The following SLC25A33 variants were observed in gnomAD, a reference collection of about 807,000 sequenced individuals.
SLC25A33 encodes bone marrow stromal cell mitochondrial carrier protein.
In SLC25A33, 15 loss-of-function variants were observed where a neutral mutation model predicts 35.5. The ratio of observed to expected loss-of-function variants is 0.42; its 90% CI spans 0.28 to 0.65. The LOEUF is 0.65. SLC25A33 is among the 30% of genes least tolerant of loss of function. The pLI, the probability that SLC25A33 is intolerant of heterozygous loss-of-function variation, is 0.20. For missense variants in SLC25A33, 257 were observed against 398.5 expected, an observed-to-expected ratio of 0.64 and a Z score of 3.02; for synonymous variants, 136 against 148.7, an observed-to-expected ratio of 0.91 and a Z score of 0.62.
At chr1:9,561,956 A>C (rs879323534) in intron 2 of SLC25A33, among the ~76,000 whole-genome samples, 6 of 152,072 alleles carry the variant, frequency 3.9e-5, no homozygotes, top group Non-Finnish European at 7.4e-5. Context: ...GAACCCTTAA[A>C]AGAGCAATAC....
chr1:9,565,084 C>T (rs112285396), intron 2 of SLC25A33, among the ~76,000 whole-genome samples: 204 of 152,138 alleles, frequency 1.3e-3, no homozygotes, highest in African/African-American at 4.7e-3. Context: ...TGGTGACTGC[C>T]AGGGCCTGAC....
At chr1:9,570,122 A>G (rs960923852) in intron 3 of SLC25A33, 136 bp from the exon 4 acceptor site, 17 of 653,160 alleles carry the variant, frequency 2.6e-5, no homozygotes, top group Non-Finnish European at 4.0e-5. Context: ...TGGTTTTAGC[A>G]CAGGCGAGGA....
rs1343297098 is a variant in SLC25A33 at position 9,583,512 on chromosome 1, T to C, written c.*1011T>C. The C allele has an allele frequency of 6.6e-6, 1 of 152,144 alleles. No individual in the cohort carries two copies. Among genetic ancestry groups the C allele is most frequent in the Non-Finnish European group, 1.5e-5 (1 of 68,026 alleles). 9.4% of individuals were successfully genotyped at this position (152,144 alleles called of 1,614,324 possible). The stretch of plus-strand genomic sequence containing the variant: ...CCGGAAGTTAAGACCAGTTGCCTTG[T>C]TAAGTGTGTTGACAGCACAGCTACC... On this transcript the variant is annotated 3_prime_UTR_variant, in exon 7 of 7. Transcript: ENST00000302692.
chr1:9,539,833 C>T (rs909963619), intron 1 of SLC25A33, 86 bp downstream of exon 1: 4 of 1,181,530 alleles, frequency 3.4e-6, no homozygotes, highest in East Asian at 3.5e-5. Flanking sequence ...CCTCCCGCGG[C>T]GGTTACCGGC....
intron 2 of SLC25A33, among the ~76,000 whole-genome samples, chr1:9,564,765 T>TATATATATATATATATATAC (rs59741987): frequency 1.9e-3 from 216 of 114,572 alleles, no homozygotes; most frequent in Middle Eastern, 4.8e-3. Context: ...TATATATATA[T>TATATATATATATATATATAC]ACACAAAAAT....
chr1:9,560,381 G>A (rs890586172), intron 2 of SLC25A33, among the ~76,000 whole-genome samples: 4 of 152,034 alleles, frequency 2.6e-5, no homozygotes, highest in South Asian at 2.1e-4. Flanking sequence ...TGGCTAACAC[G>A]GTGAAACCCT....
chr1:9,541,778 C>T (rs1341122975), intron 1 of SLC25A33, among the ~76,000 whole-genome samples: 2 of 146,860 alleles, frequency 1.4e-5, no homozygotes, highest in Non-Finnish European at 3.0e-5. Flanking sequence ...TTTTGACTTA[C>T]TGTTTTTAGT....
In SLC25A33 at chr1:9,583,354, A is replaced by G. The variant is rs1431719277; in HGVS notation, c.*853A>G. Reference sequence around the variant, plus strand: ...GCGTTCAGACTGCTGAGATGAATATATATAACTTTCTGAGACTCAATATTT... The same window carrying G: ...GCGTTCAGACTGCTGAGATGAATATGTATAACTTTCTGAGACTCAATATTT... On this transcript the variant is annotated 3_prime_UTR_variant, in exon 7 of 7. Transcript: ENST00000302692. 6.6e-6 allele frequency: 1 copy of G among 152,226 alleles called. No homozygotes were observed. Among genetic ancestry groups the G allele is most frequent in the Non-Finnish European group, 1.5e-5 (1 of 68,048 alleles). The allele number at this position is 152,226 out of a possible 1,614,324, so 9.4% of individuals were successfully genotyped here. A position where few individuals can be genotyped will look rare whatever the true frequency, so the allele number is the denominator to read the frequency against.
At chr1:9,569,437 G>C (rs1643558277) in intron 3 of SLC25A33, among the ~76,000 whole-genome samples, 1 of 152,166 alleles carries the variant, frequency 6.6e-6, no homozygotes, top group Admixed American at 6.6e-5. Context: ...AGTAAATAAA[G>C]TGAGAAGAGC....
rs1420191525 is a variant in SLC25A33, at chr1:9,578,718, G to A, written c.483-1236G>A. 2.0e-5 allele frequency among the ~76,000 whole-genome samples: 3 copies of A among 151,720 alleles called. No individual in the cohort carries two copies. The highest frequency in any genetic ancestry group is 4.8e-5 in the African/African-American group (2 of 41,282). The stretch of plus-strand genomic sequence containing the variant: ...ACTCCTGGCCTCAAGCAGTCCTCCC[G>A]CCTTGGCCTCCCAAAGTGCTGGGAT... On this transcript the variant is annotated intron_variant, in intron 5 of 6. Coordinates refer to ENST00000302692, the MANE Select transcript of SLC25A33 (RefSeq NM_032315.3). This position sits in a 1 kb window ranked among gnomAD's most constrained non-coding sequence, Gnocchi z 4.3.
At chr1:9,554,359 GTT>G (rs1288314312) in intron 2 of SLC25A33, among the ~76,000 whole-genome samples, 4 of 151,206 alleles carry the variant, frequency 2.6e-5, no homozygotes, top group Non-Finnish European at 5.9e-5. Context: ...CAAAATGTTT[GTT>G]TGTTTGTTTG....
At chr1:9,540,218 AG>A (rs1643058581) in intron 1 of SLC25A33, among the ~76,000 whole-genome samples, 1 of 152,102 alleles carries the variant, frequency 6.6e-6, no homozygotes, top group Non-Finnish European at 1.5e-5. Flanking sequence ...ACGGGCAAAA[AG>A]GTCTGCGGAC....
chr1:9,570,502 A>G (rs1445336088), intron 4 of SLC25A33, 144 bp downstream of exon 4: 2 of 667,582 alleles, frequency 3.0e-6, no homozygotes, highest in Non-Finnish European at 5.1e-6. Context: ...TGTTACAACC[A>G]ATAGGAGAGT....
At chr1:9,580,904 C>T (rs1318027681) in intron 6 of SLC25A33, among the ~76,000 whole-genome samples, 1 of 149,876 alleles carries the variant, frequency 6.7e-6, no homozygotes, top group Non-Finnish European at 1.5e-5. Context: ...ATCATTCAGC[C>T]TCTATTTCTA....
chr1:9,541,982 G>A (rs1297245678), intron 1 of SLC25A33, among the ~76,000 whole-genome samples: 1 of 151,978 alleles, frequency 6.6e-6, no homozygotes, highest in African/African-American at 2.4e-5. Flanking sequence ...TATATTTTTA[G>A]TAGAGACGGG....
intron 1 of SLC25A33, among the ~76,000 whole-genome samples, chr1:9,546,179 T>G (rs1643165587): frequency 7.7e-6 from 1 of 130,074 alleles, no homozygotes; most frequent in African/African-American, 3.0e-5. Flanking sequence ...GAGAAATTTT[T>G]TTTTTTTTTT....
intron 2 of SLC25A33, among the ~76,000 whole-genome samples, chr1:9,560,121 A>G (rs761669935): frequency 1.3e-5 from 2 of 151,838 alleles, no homozygotes; most frequent in African/African-American, 2.4e-5. Context: ...ACATGGCAGC[A>G]CGTGCCTGTA....
intron 2 of SLC25A33, among the ~76,000 whole-genome samples, chr1:9,554,251 T>G (rs1643309444): frequency 2.6e-5 from 4 of 152,238 alleles, no homozygotes; most frequent in Admixed American, 2.6e-4. Flanking sequence ...TGGTGCGATC[T>G]TGGCTCGCTG....
At position 9,578,710 on chromosome 1, in the gene SLC25A33, G is replaced by A. The variant is rs1359709294; in HGVS notation, c.483-1244G>A. On this transcript the variant is annotated intron_variant, in intron 5 of 6. Coordinates refer to ENST00000302692, the MANE Select transcript of SLC25A33 (RefSeq NM_032315.3). This position sits in a 1 kb window ranked among gnomAD's most constrained non-coding sequence, Gnocchi z 4.3. ...GGTCTTGAACTCCTGGCCTCAAGCA[G>A]TCCTCCCGCCTTGGCCTCCCAAAGT... Among the ~76,000 whole-genome samples the A allele has an allele frequency of 6.6e-6, 1 of 151,852 alleles. No individual in the cohort carries two copies. The highest frequency in any genetic ancestry group is 6.6e-5 in the Admixed American group (1 of 15,256).
Sources: gnomAD v4.1 joint callset for allele counts (sites outside exome capture counted in the v4.1 genomes callset) on GRCh38, gnomAD v4.1.1 for gene constraint, Gnocchi (gnomAD v3.1) non-coding constraint, MANE v1.5 for transcripts, NCBI Gene and HGNC (gene_info 2026-07-23, HGNC 2026-07-21) for gene names.